SEC31A: variants seen among roughly 807,000 people sequenced by gnomAD.
SEC31A encodes protein transport protein Sec31A.
Under a neutral mutation model 151.0 loss-of-function variants are expected in SEC31A, and 70 were observed. That is an observed-to-expected ratio of 0.46 (90% CI 0.38 to 0.57). SEC31A has a LOEUF of 0.57. SEC31A is among the 20% of genes least tolerant of loss of function. The pLI, the probability that SEC31A is intolerant of heterozygous loss-of-function variation, is 0.00. For missense variants in SEC31A, 1,330 were observed against 1,471.2 expected (o/e 0.90, Z 1.57); for synonymous variants, 475 against 505.9 (o/e 0.94, Z 0.82).
chr4:82,872,105 C>T lies in SEC31A; in HGVS notation c.640-19G>A. 6.3e-7 allele frequency: 1 copy of T among 1,589,976 alleles called. No individual in the cohort carries two copies. The highest frequency in any genetic ancestry group is 8.6e-7 in the Non-Finnish European group (1 of 1,158,878). ...AATGCATCTGAAGATAGTTAAGGTT[C>T]ACATTTTATGAATCAAATTACTTTA... is the stretch of plus-strand genomic sequence containing the variant. On this transcript the variant is annotated intron_variant, in intron 6 of 26. Transcript: ENST00000395310.
chr4:82,870,821 T>C (rs760867219), intron 7 of SEC31A, among the ~76,000 whole-genome samples: 2 of 152,250 alleles, frequency 1.3e-5, no homozygotes, highest in African/African-American at 2.4e-5. Flanking sequence ...GGATGTTCAA[T>C]GTAGTGCAGT....
At chr4:82,863,111 T>C in intron 12 of SEC31A, 2 of 482,866 alleles carry the variant, frequency 4.1e-6, no homozygotes, top group Non-Finnish European at 7.2e-6. Context: ...AGTTACATAG[T>C]CATTTATCAA....
upstream of SEC31A, chr4:82,894,848 CTGTTCAGACA>C (rs1408217740): frequency 6.6e-6 from 1 of 152,204 alleles, no homozygotes; most frequent in Non-Finnish European, 1.5e-5. Context: ...AAACTAGATC[CTGTTCAGACA>C]TGTTATAACA....
At chr4:82,837,067 A>T (rs545141795) in intron 22 of SEC31A, among the ~76,000 whole-genome samples, 73 of 149,876 alleles carry the variant, frequency 4.9e-4, no homozygotes, top group Non-Finnish European at 9.5e-4. Context: ...TACCCCAAAA[A>T]TTTTTTAAAA....
intron 1 of SEC31A, among the ~76,000 whole-genome samples, chr4:82,888,486 T>C (rs997750370): frequency 2.4e-5 from 3 of 125,560 alleles, no homozygotes; most frequent in African/African-American, 6.5e-5. Flanking sequence ...GGTCAAGACA[T>C]CCAGATCATC....
chr4:82,858,082 A>T (rs947543411), intron 14 of SEC31A: 2 of 212,346 alleles, frequency 9.4e-6, no homozygotes, highest in African/African-American at 4.7e-5. Context: ...GCTCGGGACC[A>T]GCCATGCCCA....
intron 1 of SEC31A, chr4:82,890,850 C>T: frequency 3.0e-6 from 4 of 1,339,638 alleles, no homozygotes; most frequent in Non-Finnish European, 3.8e-6. Context: ...CCTCGGGTGG[C>T]TTTTGCTCAG....
chr4:82,899,328 T>C (rs531908489), intron 3 of SEC31A, among the ~76,000 whole-genome samples: 7 of 152,388 alleles, frequency 4.6e-5, no homozygotes, highest in African/African-American at 1.4e-4. Flanking sequence ...TTGTACACTT[T>C]AAACCAATTA....
chr4:82,876,271 C>T (rs377428131), intron 4 of SEC31A, among the ~76,000 whole-genome samples: 1 of 152,082 alleles, frequency 6.6e-6, no homozygotes, highest in African/African-American at 2.4e-5. Context: ...CCACCACTCC[C>T]GGCTAATTCT....
chr4:82,880,704 T>C lies in SEC31A; in HGVS notation c.203+95A>G, dbSNP rs1028388257. On this transcript the variant is annotated intron_variant, in intron 3 of 26. Transcript: ENST00000395310. ...ATTTCATGTTCTTGATGGTATTCCT[T>C]GTAGTTTCTAATAATGGCATAATTA... 4 of 1,059,496 alleles carry C rather than the reference T, an allele frequency of 3.8e-6. No homozygotes were observed. The African/African-American group carries it at 6.5e-5, about 17-fold the overall frequency. The allele number at this position is 1,059,496 out of a possible 1,614,324, so 65.6% of individuals were successfully genotyped here. A position where few individuals can be genotyped will look rare whatever the true frequency, so the allele number is the denominator to read the frequency against.
At chr4:82,852,944 T>A (rs1199400587) in intron 18 of SEC31A, among the ~76,000 whole-genome samples, 6 of 152,120 alleles carry the variant, frequency 3.9e-5, no homozygotes, top group Non-Finnish European at 8.8e-5. Context: ...ACAACCTAGA[T>A]CCGTTGCATG....
Position 82,851,569 on chromosome 4 carries a change from A to C in SEC31A, c.2190T>G (p.Ala730=), listed in dbSNP as rs1174650776. The C allele has an allele frequency of 1.2e-6, 2 of 1,611,578 alleles. No homozygotes were observed. The highest frequency in any genetic ancestry group is 4.5e-5 in the East Asian group (2 of 44,814). ...TGTCCATGGCTTGAGTGAGTTGCAC[A>C]GCTTTTCGCAGGATGACAACTTTCT... ...LIEKVVILRK[A]VQLTQAMDTS... Residue 730 remains alanine (A), a synonymous_variant, in exon 19 of 27, where the codon GCT becomes GCG. Transcript: ENST00000395310.
intron 7 of SEC31A, 109 bp from the exon 8 acceptor site, chr4:82,870,533 T>A: frequency 1.1e-6 from 1 of 886,380 alleles, no homozygotes; most frequent in Non-Finnish European, 1.8e-6. Context: ...GAAATACAAT[T>A]AAATGCAAGA....
chr4:82,871,256 C>G, intron 7 of SEC31A: 1 of 1,326,578 alleles, frequency 7.5e-7, no homozygotes. Flanking sequence ...AGTTATCTAA[C>G]TATATGCACA....
At chr4:82,825,101 T>C (rs1299113831) in intron 24 of SEC31A, among the ~76,000 whole-genome samples, 3 of 152,234 alleles carry the variant, frequency 2.0e-5, no homozygotes, top group African/African-American at 4.8e-5. Context: ...GTTTTACTCT[T>C]AGAGGTTGTT....
At chr4:82,867,363 C>T in intron 8 of SEC31A, 47 bp from the exon 9 acceptor site, 1 of 1,544,942 alleles carries the variant, frequency 6.5e-7, no homozygotes, top group Non-Finnish European at 8.9e-7. Flanking sequence ...ATGGTATGGC[C>T]ACTTTGTAAC....
chr4:82,827,231 T>TA (rs1031448861), intron 24 of SEC31A, 138 bp downstream of exon 24: 68 of 960,042 alleles, frequency 7.1e-5, no homozygotes, highest in Non-Finnish European at 8.9e-5. Flanking sequence ...TGATCGATCT[T>TA]AAAAAAAAGT....
chr4:82,863,523 G>A (rs1015005457), intron 11 of SEC31A, 131 bp from the exon 12 acceptor site: 3 of 548,412 alleles, frequency 5.5e-6, no homozygotes, highest in Non-Finnish European at 9.1e-6. Context: ...TTCACTGTTT[G>A]AAGGAATCCA....
Position 82,819,256 on chromosome 4 carries a change from G to GAAAC in SEC31A, c.3484-7_3484-4dup. On this transcript the variant is annotated splice_polypyrimidine_tract_variant and splice_region_variant and intron_variant, in intron 26 of 26. Transcript: ENST00000395310. ...CCACTGGTGATTGTTGGTGAAAGCT[G>GAAAC]AAACAAAAGTGAACCAAGAGAAAGA... 1 of 1,555,166 alleles carries GAAAC rather than the reference G, an allele frequency of 6.4e-7. No individual in the cohort carries two copies. The highest frequency in any genetic ancestry group is 8.7e-7 in the Non-Finnish European group (1 of 1,150,682).
Sources: allele counts gnomAD v4.1 joint callset (sites outside exome capture counted in the v4.1 genomes callset), GRCh38; gene constraint gnomAD v4.1.1; transcripts MANE v1.5; gene names NCBI Gene and HGNC (gene_info 2026-07-23, HGNC 2026-07-21).